TCF7L1: variants seen among roughly 807,000 people sequenced by gnomAD.
TCF7L1 encodes transcription factor 7 like 1, also known as transcription factor 7-like 1.
A neutral mutation model predicts 63.7 loss-of-function variants in TCF7L1; 18 were observed. That is an observed-to-expected ratio of 0.28 (90% CI 0.20 to 0.42). The LOEUF is 0.42. TCF7L1 is among the 10% of genes least tolerant of loss of function. TCF7L1 has a pLI of 1.00. For missense variants in TCF7L1, 654 were observed against 779.3 expected, an observed-to-expected ratio of 0.84 and a Z score of 1.91; for synonymous variants, 355 against 340.9, an observed-to-expected ratio of 1.04 and a Z score of -0.46.
chr2:85,190,128 G>A lies in TCF7L1; in HGVS notation c.441+55678G>A, dbSNP rs978750566. 2.6e-5 allele frequency among the ~76,000 whole-genome samples: 4 copies of A among 152,190 alleles called. No homozygotes were observed. The East Asian group carries it at 7.7e-4, about 29-fold the overall frequency. On this transcript the variant is annotated intron_variant, in intron 3 of 11. Transcript: ENST00000282111. ...TATCTTTATAGTCCCACATACCTGAGGCACTCAGTAAGTCCTTGTTGAAGG... is the reference window on the plus strand; with the variant it reads ...TATCTTTATAGTCCCACATACCTGAAGCACTCAGTAAGTCCTTGTTGAAGG...
chr2:85,261,334 G>A (rs1399587977), intron 3 of TCF7L1, among the ~76,000 whole-genome samples: 1 of 152,188 alleles, frequency 6.6e-6, no homozygotes, highest in Admixed American at 6.5e-5. Context: ...CCAGACCTCT[G>A]GATTCTCCAC....
chr2:85,170,799 T>A (rs1487094464), intron 3 of TCF7L1, among the ~76,000 whole-genome samples: 1 of 152,134 alleles, frequency 6.6e-6, no homozygotes, highest in East Asian at 1.9e-4. Context: ...TGATGCAGTC[T>A]CCCTTGCTGC....
intron 4 of TCF7L1, among the ~76,000 whole-genome samples, chr2:85,286,312 A>G (rs1158088510): frequency 1.3e-5 from 2 of 151,354 alleles, no homozygotes; most frequent in Non-Finnish European, 2.9e-5. Flanking sequence ...CTGAGATTGC[A>G]CCACTGCACT....
chr2:85,308,896 C>T, intron 11 of TCF7L1, 133 bp from the exon 12 acceptor site: 1 of 1,044,516 alleles, frequency 9.6e-7, no homozygotes, highest in South Asian at 1.6e-5. Context: ...TCTTGAAAGC[C>T]TTGGAAGTAA....
intron 3 of TCF7L1, among the ~76,000 whole-genome samples, chr2:85,272,913 A>G (rs914158996): frequency 6.6e-6 from 1 of 152,266 alleles, no homozygotes; most frequent in African/African-American, 2.4e-5. Context: ...TGCCCATGTC[A>G]TGTGGCAGTT....
At chr2:85,180,534 C>T (rs1352331827) in intron 3 of TCF7L1, among the ~76,000 whole-genome samples, 1 of 152,178 alleles carries the variant, frequency 6.6e-6, no homozygotes, top group Non-Finnish European at 1.5e-5. Flanking sequence ...GGTTCCCATC[C>T]TGGTGAATCT....
At chr2:85,308,266 C>T (rs941279613) in intron 11 of TCF7L1, among the ~76,000 whole-genome samples, 4 of 151,814 alleles carry the variant, frequency 2.6e-5, no homozygotes, top group Non-Finnish European at 4.4e-5. Context: ...ATTTAGGTCA[C>T]GCCCCCCATC....
chr2:85,284,138 G>A (rs943327235), intron 4 of TCF7L1, among the ~76,000 whole-genome samples: 2 of 152,224 alleles, frequency 1.3e-5, no homozygotes, highest in African/African-American at 4.8e-5. Context: ...AGCCTCCCAA[G>A]TAGCTGGGAC....
chr2:85,237,783 G>A lies in TCF7L1; in HGVS notation c.442-45712G>A, dbSNP rs1481634723. 2.9e-5 allele frequency among the ~76,000 whole-genome samples: 4 copies of A among 138,346 alleles called. No homozygotes were observed. In the South Asian group the frequency reaches 7.2e-4, roughly 25 times the overall value. The allele number at this position is 138,346 out of a possible 152,430, so 90.8% of individuals were successfully genotyped here. A position where few individuals can be genotyped will look rare whatever the true frequency, so the allele number is the denominator to read the frequency against. Reference sequence around the variant, plus strand: ...AGGGGCATGAAGAAGGAGGGAGGGGGCTGGTGGGGGGCTGCCAAATCAGGC... The same window carrying A: ...AGGGGCATGAAGAAGGAGGGAGGGGACTGGTGGGGGGCTGCCAAATCAGGC... On this transcript the variant is annotated intron_variant, in intron 3 of 11. Coordinates refer to ENST00000282111, the MANE Select transcript of TCF7L1 (RefSeq NM_031283.3).
chr2:85,283,823 G>A lies in TCF7L1; in HGVS notation c.525+245G>A, dbSNP rs529103842. Among the ~76,000 whole-genome samples, 3 of 152,280 alleles carry A rather than the reference G, an allele frequency of 2.0e-5. No individual in the cohort carries two copies. The South Asian group carries it at 6.2e-4, about 32-fold the overall frequency. ...TCCCCCAACCCCCATGGCCCTGGCTGCTCACCCTGGTTCATCACAGAAGCC... is the reference window on the plus strand; with the variant it reads ...TCCCCCAACCCCCATGGCCCTGGCTACTCACCCTGGTTCATCACAGAAGCC... On this transcript the variant is annotated intron_variant, in intron 4 of 11. Coordinates refer to ENST00000282111, the MANE Select transcript of TCF7L1 (RefSeq NM_031283.3).
intron 3 of TCF7L1, among the ~76,000 whole-genome samples, chr2:85,250,041 G>A (rs1680554907): frequency 6.6e-6 from 1 of 152,202 alleles, no homozygotes; most frequent in Non-Finnish European, 1.5e-5. Context: ...TGGACTGTGT[G>A]CCCAATAAAT....
At chr2:85,243,869 G>A (rs1177841663) in intron 3 of TCF7L1, among the ~76,000 whole-genome samples, 2 of 152,190 alleles carry the variant, frequency 1.3e-5, no homozygotes. Context: ...ACCACATTGT[G>A]AACAGCACCC....
At chr2:85,183,948 A>C (rs569605729) in intron 3 of TCF7L1, among the ~76,000 whole-genome samples, 135 of 152,296 alleles carry the variant, frequency 8.9e-4, no homozygotes, top group African/African-American at 3.2e-3. Context: ...GAGAAGAGGG[A>C]AAGTCAAGGG....
intron 3 of TCF7L1, among the ~76,000 whole-genome samples, chr2:85,250,935 CG>C (rs375022833): frequency 1.6e-3 from 244 of 152,218 alleles, no homozygotes; most frequent in African/African-American, 5.4e-3. Context: ...ACTGTAGTCT[CG>C]GAGAATGCTT....
At position 85,306,102 on chromosome 2, in the gene TCF7L1, C is replaced by A; in HGVS notation, c.990-104C>A. 1 of 1,424,092 alleles carries A rather than the reference C, an allele frequency of 7.0e-7. No individual in the cohort carries two copies. The highest frequency in any genetic ancestry group is 9.7e-7 in the Non-Finnish European group (1 of 1,034,788). The allele number at this position is 1,424,092 out of a possible 1,614,324, so 88.2% of individuals were successfully genotyped here. On this transcript the variant is annotated intron_variant, in intron 8 of 11. Coordinates refer to ENST00000282111, the MANE Select transcript of TCF7L1 (RefSeq NM_031283.3). The surrounding 1 kb of genome is among the most constrained non-coding windows in gnomAD (Gnocchi z 4.3). ...CCACTTGAATTAGCATCCAGGCAGC[C>A]CGCGCCCCTCCCCAGAGACAATCAG...
chr2:85,142,431 AAT>A (rs1677758732), intron 3 of TCF7L1, among the ~76,000 whole-genome samples: 1 of 33,968 alleles, frequency 2.9e-5, no homozygotes, highest in Non-Finnish European at 5.2e-5. Context: ...AAAAAAAAAA[AAT>A]GTGTGTGTGT....
chr2:85,188,303 G>A (rs1678971959), intron 3 of TCF7L1, among the ~76,000 whole-genome samples: 2 of 152,182 alleles, frequency 1.3e-5, no homozygotes, highest in Admixed American at 1.3e-4. Context: ...GGTGAAATCT[G>A]AGAAAGTTCT....
intron 3 of TCF7L1, among the ~76,000 whole-genome samples, chr2:85,142,284 TG>T (rs1677754325): frequency 6.6e-6 from 1 of 151,894 alleles, no homozygotes; most frequent in Non-Finnish European, 1.5e-5. Flanking sequence ...CAAACTTAGC[TG>T]GGCATGGTGG....
At chr2:85,298,737 C>T (rs1420872890) in intron 4 of TCF7L1, among the ~76,000 whole-genome samples, 3 of 152,046 alleles carry the variant, frequency 2.0e-5, no homozygotes, top group Non-Finnish European at 4.4e-5. Flanking sequence ...GTGTTTTGTC[C>T]CTGTTGGGGT....
Sources: gnomAD v4.1 joint callset for allele counts (sites outside exome capture counted in the v4.1 genomes callset) on GRCh38, gnomAD v4.1.1 for gene constraint, Gnocchi (gnomAD v3.1) non-coding constraint, MANE v1.5 for transcripts, NCBI Gene and HGNC (gene_info 2026-07-23, HGNC 2026-07-21) for gene names.